Variants in BIRC6 observed in about 807,000 individuals in gnomAD.
BIRC6 encodes the protein dual E2 ubiquitin-conjugating enzyme/E3 ubiquitin-protein ligase BIRC6.
In BIRC6, 98 loss-of-function variants were observed where a neutral mutation model predicts 503.3. The ratio of observed to expected loss-of-function variants is 0.19; its 90% CI spans 0.17 to 0.23. The LOEUF (loss-of-function observed/expected upper bound fraction) is 0.23. BIRC6 is among the 10% of genes least tolerant of loss of function. BIRC6 has a pLI of 1.00. For synonymous variants in BIRC6, 2,240 were observed against 2,078.7 expected, an observed-to-expected ratio of 1.08 and a Z score of -2.11; for missense variants, 5,360 against 5,806.0, an observed-to-expected ratio of 0.92 and a Z score of 2.50.
At chr2:32,440,328 T>C (rs556906627) in intron 16 of BIRC6, among the ~76,000 whole-genome samples, 2 of 152,338 alleles carry the variant, frequency 1.3e-5, no homozygotes, top group South Asian at 4.1e-4. Context: ...TGTTGGCAAC[T>C]CACAATCTTG....
chr2:32,478,756 T>G lies in BIRC6; in HGVS notation c.7190T>G (p.Ile2397Arg). 1 of 1,613,876 alleles carries G rather than the reference T, an allele frequency of 6.2e-7. No homozygotes were observed. The highest frequency in any genetic ancestry group is 8.5e-7 in the Non-Finnish European group (1 of 1,179,842). The change falls in exon 36 of 74, where the codon ATA becomes AGA. Residue 2397 changes from isoleucine to arginine, a missense_variant. Around this residue, in one of 16 missense-constraint regions of BIRC6, gnomAD observed 2,299 missense variants for 2,267.2 expected, o/e 1.01. Coordinates refer to ENST00000421745, the MANE Select transcript of BIRC6 (RefSeq NM_016252.4). ...LVGTDFNRGD[I>R]SWGGAWAQYS... ...GGAACTGACTTCAATAGAGGAGATA[T>G]ATCTTGGGGTGGTGCTTGGGCTCAG... is the stretch of plus-strand genomic sequence containing the variant.
At chr2:32,506,771 G>A (rs1475953028) in intron 50 of BIRC6, among the ~76,000 whole-genome samples, 2 of 152,224 alleles carry the variant, frequency 1.3e-5, no homozygotes, top group Non-Finnish European at 2.9e-5. Context: ...ACAGTCTTTA[G>A]AATCAAACAT....
At chr2:32,369,551 C>T (rs2035473365) in intron 1 of BIRC6, among the ~76,000 whole-genome samples, 2 of 151,618 alleles carry the variant, frequency 1.3e-5, no homozygotes, top group African/African-American at 4.9e-5. Context: ...CTTCAGCCTC[C>T]CGAGTAGCTG....
intron 72 of BIRC6, among the ~76,000 whole-genome samples, chr2:32,608,398 C>T (rs1329957574): frequency 6.6e-6 from 1 of 152,016 alleles, no homozygotes; most frequent in African/African-American, 2.4e-5. Context: ...CTTTTCCTCT[C>T]CTCTCCCTCT....
intron 32 of BIRC6, among the ~76,000 whole-genome samples, chr2:32,472,635 G>A (rs2049231462): frequency 6.6e-6 from 1 of 152,078 alleles, no homozygotes; most frequent in Non-Finnish European, 1.5e-5. Flanking sequence ...GAATAGTCTG[G>A]AAATATTCCA....
At chr2:32,613,801 C>T (rs1047637705) in intron 73 of BIRC6, among the ~76,000 whole-genome samples, 2 of 152,172 alleles carry the variant, frequency 1.3e-5, no homozygotes, top group Non-Finnish European at 2.9e-5. Context: ...TGCTTATACT[C>T]TTCTTAATTC....
At chr2:32,503,649 T>C (rs2053456038) in intron 49 of BIRC6, among the ~76,000 whole-genome samples, 1 of 152,004 alleles carries the variant, frequency 6.6e-6, no homozygotes, top group Admixed American at 6.6e-5. Context: ...CTTGAATGCC[T>C]GACCTCCAGT....
intron 10 of BIRC6, among the ~76,000 whole-genome samples, chr2:32,424,417 T>G (rs1181225494): frequency 6.6e-6 from 1 of 152,172 alleles, no homozygotes; most frequent in Non-Finnish European, 1.5e-5. Flanking sequence ...AATGTCCCTA[T>G]AAACATTGGT....
intron 65 of BIRC6, among the ~76,000 whole-genome samples, chr2:32,569,766 T>G (rs1038492360): frequency 6.6e-6 from 1 of 152,168 alleles, no homozygotes; most frequent in Non-Finnish European, 1.5e-5. Flanking sequence ...CATTACTGGT[T>G]TTCATATATT....
In BIRC6 at chr2:32,482,472, G is replaced by A; in HGVS notation, c.7586G>A (p.Gly2529Glu). 6.2e-7 allele frequency: 1 copy of A among 1,613,838 alleles called. No individual in the cohort carries two copies. Among genetic ancestry groups the A allele is most frequent in the Non-Finnish European group, 8.5e-7 (1 of 1,179,822 alleles). Residue 2529 changes from glycine (G) to glutamate (E), a missense_variant, in exon 39 of 74, where the codon GGG (glycine) becomes GAG (glutamate). Gly to Glu is a moderately conservative substitution (Grantham distance 98). Around this residue, in one of 16 missense-constraint regions of BIRC6, gnomAD observed 2,299 missense variants for 2,267.2 expected, o/e 1.01. Transcript: ENST00000421745. ...TATGATTATTGGGGTGCTGATTATG[G>A]GACCTACAATTACAACCCTTACATT... Reference protein sequence around the residue: ...TWYDYWGADYGTYNYNPYIGG... With the variant: ...TWYDYWGADYETYNYNPYIGG...
chr2:32,472,974 C>A, intron 32 of BIRC6, 138 bp from the exon 33 acceptor site: 1 of 665,460 alleles, frequency 1.5e-6, no homozygotes, highest in Non-Finnish European at 2.4e-6. Context: ...CTAGCAATTT[C>A]TTTACAATGT....
intron 39 of BIRC6, among the ~76,000 whole-genome samples, chr2:32,483,372 C>A (rs892367859): frequency 6.6e-6 from 1 of 152,052 alleles, no homozygotes; most frequent in Non-Finnish European, 1.5e-5. Context: ...AAGTTAAATG[C>A]GGAGAATGTT....
In BIRC6 at chr2:32,479,519, A is replaced by T. The variant is rs1400500934; in HGVS notation, c.7310A>T (p.Asp2437Val). The change falls in exon 37 of 74, where the codon GAT becomes GTT. Residue 2437 changes from aspartate to valine, a missense_variant. Asp to Val is a radical substitution (Grantham distance 152). Around this residue, in one of 16 missense-constraint regions of BIRC6, gnomAD observed 2,299 missense variants for 2,267.2 expected, o/e 1.01. Coordinates refer to ENST00000421745, the MANE Select transcript of BIRC6 (RefSeq NM_016252.4). ...EAMEEGTVGD[D>V]VGATAGDSDD... is the part of the protein sequence containing the mutation. ...ATGGAGGAAGGAACAGTGGGTGATG[A>T]TGTAGGTGCGACAGCTGGTGACTCT... The T allele has an allele frequency of 2.5e-6, 4 of 1,605,666 alleles. No homozygotes were observed. The highest frequency in any genetic ancestry group is 3.4e-6 in the Non-Finnish European group (4 of 1,175,844).
rs749126250 is a variant in BIRC6, at chr2:32,509,806, G to A, written c.10049G>A (p.Ser3350Asn). 1 of 1,614,034 alleles carries A rather than the reference G, an allele frequency of 6.2e-7. No individual in the cohort carries two copies. Residue 3350 changes from serine to asparagine, a missense_variant, in exon 52 of 74, where the codon AGT (serine) becomes AAT (asparagine). Physicochemically the swap from Ser to Asn is conservative, Grantham distance 46. Coordinates refer to ENST00000421745, the MANE Select transcript of BIRC6 (RefSeq NM_016252.4). Reference protein sequence around the residue: ...HISDLEGMMASAAAPTANLLQ... With the variant: ...HISDLEGMMANAAAPTANLLQ... ...AGTGATCTAGAAGGAATGATGGCAA[G>A]TGCAGCTGCACCTACTGCTAATCTG...
intron 43 of BIRC6, among the ~76,000 whole-genome samples, 179 bp from the exon 44 acceptor site, chr2:32,491,246 A>G (rs1304461744): frequency 6.6e-6 from 1 of 152,174 alleles, no homozygotes; most frequent in Non-Finnish European, 1.5e-5. Flanking sequence ...GAAGAGATAG[A>G]TGGTAGATAG....
chr2:32,425,776 G>A (rs2043421109), intron 10 of BIRC6, among the ~76,000 whole-genome samples: 1 of 152,200 alleles, frequency 6.6e-6, no homozygotes, highest in Admixed American at 6.5e-5. Context: ...TCAGAAGGGT[G>A]AAACCCAGGC....
chr2:32,496,712 A>G (rs368337373), intron 45 of BIRC6, among the ~76,000 whole-genome samples: 2 of 152,042 alleles, frequency 1.3e-5, no homozygotes, highest in Non-Finnish European at 2.9e-5. Flanking sequence ...AAATTTTACA[A>G]TCAGCTTATT....
At chr2:32,376,902 T>C (rs2036869956) in intron 1 of BIRC6, among the ~76,000 whole-genome samples, 2 of 152,204 alleles carry the variant, frequency 1.3e-5, no homozygotes, top group South Asian at 2.1e-4. Context: ...AAATATCTTA[T>C]TGTACCATAC....
rs2061783201 is a variant in BIRC6 at position 32,597,982 on chromosome 2, A to G, written c.13830+14A>G. 2 of 1,590,300 alleles carry G rather than the reference A, an allele frequency of 1.3e-6. No individual in the cohort carries two copies. Among genetic ancestry groups the G allele is most frequent in the South Asian group, 1.1e-5 (1 of 89,722 alleles). ...GATATCATGAAGGTAAAAAATAATG[A>G]TAATAAAGCACTCTCCCTTATCTCC... On this transcript the variant is annotated intron_variant, in intron 69 of 73. Transcript: ENST00000421745.
Sources: allele counts gnomAD v4.1 joint callset (sites outside exome capture counted in the v4.1 genomes callset), GRCh38; gene constraint gnomAD v4.1.1; regional missense constraint gnomAD v4.1.1; transcripts MANE v1.5; gene names NCBI Gene and HGNC (gene_info 2026-07-23, HGNC 2026-07-21).